ZNF114: variants seen among roughly 807,000 people sequenced by gnomAD.
ZNF114 encodes the protein zinc finger protein 114.
In ZNF114, 8 loss-of-function variants were observed where a neutral mutation model predicts 6.8. The observed-to-expected ratio is 1.18, with a 90% CI of 0.69 to 2.13. The LOEUF is 2.13. Ranked by LOEUF, ZNF114 falls within the 30% of genes most tolerant of loss-of-function variation. The pLI is 0.00. For missense variants in ZNF114, 472 were observed against 519.5 expected (o/e 0.91, Z 0.89); for synonymous variants, 169 against 185.5 (o/e 0.91, Z 0.72).
At chr19:48,273,310 ATG>A (rs1205858506) in intron 3 of ZNF114, among the ~76,000 whole-genome samples, 2 of 152,158 alleles carry the variant, frequency 1.3e-5, no homozygotes, top group African/African-American at 4.8e-5. Context: ...AAAGGTGGGA[ATG>A]TGTTTCATCA....
rs777919254 is a variant in ZNF114, at chr19:48,282,487, G to T, written c.126G>T (p.Leu42Phe). 1.9e-6 allele frequency: 3 copies of T among 1,608,238 alleles called. No individual in the cohort carries two copies. Among genetic ancestry groups the T allele is most frequent in the Non-Finnish European group, 2.6e-6 (3 of 1,176,008 alleles). The change falls in exon 5 of 6, where the codon TTG (leucine) becomes TTT (phenylalanine). Residue 42 changes from leucine (L) to phenylalanine (F), a missense_variant. Leu to Phe is a conservative substitution (Grantham distance 22). Coordinates refer to ENST00000595607, the MANE Select transcript of ZNF114 (RefSeq NM_153608.4). Reference sequence around the variant, plus strand: ...TGATGCTGGAAAATTCTAGGAACTTGGCATTCATAGGTAAGGAGGCCCCCT... The same window carrying T: ...TGATGCTGGAAAATTCTAGGAACTTTGCATTCATAGGTAAGGAGGCCCCCT... ...RDVMLENSRN[L>F]AFIDWATPCK...
chr19:48,281,598 C>T (rs1967992831), intron 4 of ZNF114: 1 of 150,230 alleles, frequency 6.7e-6, no homozygotes, highest in Non-Finnish European at 1.5e-5. Flanking sequence ...AGGATCATAG[C>T]TTATTGCAAC....
At chr19:48,270,617 G>A (rs8101570) in intron 1 of ZNF114, among the ~76,000 whole-genome samples, 4 of 142,212 alleles carry the variant, frequency 2.8e-5, no homozygotes, top group South Asian at 2.3e-4. Flanking sequence ...AGGGAGGAAG[G>A]GAGGGAGGGA....
chr19:48,273,004 C>T (rs958695276), intron 3 of ZNF114, among the ~76,000 whole-genome samples: 3 of 152,056 alleles, frequency 2.0e-5, no homozygotes, highest in African/African-American at 7.2e-5. Context: ...ACCGCGTTAG[C>T]CAGGATGGTC....
chr19:48,272,808 T>C (rs1279164694), intron 3 of ZNF114, among the ~76,000 whole-genome samples: 1 of 143,486 alleles, frequency 7.0e-6, no homozygotes, highest in African/African-American at 2.6e-5. Context: ...TTTTTTTTTT[T>C]TTTTTGAGAG....
At chr19:48,272,698 A>G (rs925673351) in intron 3 of ZNF114, among the ~76,000 whole-genome samples, 5 of 134,332 alleles carry the variant, frequency 3.7e-5, no homozygotes, top group African/African-American at 1.5e-4. Flanking sequence ...AAAAAAAAAA[A>G]GTATTGGATT....
intron 2 of ZNF114, 136 bp from the exon 3 acceptor site, chr19:48,271,591 C>G (rs1412976832): frequency 6.6e-6 from 1 of 152,588 alleles, no homozygotes; most frequent in African/African-American, 2.4e-5. Context: ...TGCTCGGCTC[C>G]CCTCTCCTCC....
At chr19:48,282,249 A>G in intron 4 of ZNF114, 122 bp from the exon 5 acceptor site, 1 of 1,335,950 alleles carries the variant, frequency 7.5e-7, no homozygotes, top group Admixed American at 2.2e-5. Flanking sequence ...TTCACAAATC[A>G]GGTCACCTTT....
intron 3 of ZNF114, among the ~76,000 whole-genome samples, chr19:48,272,053 G>A (rs1967672784): frequency 6.6e-6 from 1 of 152,208 alleles, no homozygotes; most frequent in South Asian, 2.1e-4. Context: ...CCTGTCCCCG[G>A]GCTTGGGCAG....
chr19:48,278,814 G>C (rs759869504), intron 3 of ZNF114, among the ~76,000 whole-genome samples: 2 of 152,124 alleles, frequency 1.3e-5, no homozygotes, highest in South Asian at 2.1e-4. Flanking sequence ...GTGATGGCAG[G>C]CACCTGTAAT....
At chr19:48,280,056 C>T (rs555478125) in intron 4 of ZNF114, among the ~76,000 whole-genome samples, 9 of 152,274 alleles carry the variant, frequency 5.9e-5, no homozygotes, top group African/African-American at 1.9e-4. Flanking sequence ...GTGGGCTTCA[C>T]GTTCTGCTGC....
intron 3 of ZNF114, among the ~76,000 whole-genome samples, chr19:48,276,057 G>A (rs993135998): frequency 6.7e-6 from 1 of 148,458 alleles, no homozygotes; most frequent in African/African-American, 2.5e-5. Context: ...TTCTGGAGGT[G>A]AGAGAGCCTC....
intron 3 of ZNF114, among the ~76,000 whole-genome samples, chr19:48,277,399 G>A (rs75538939): frequency 4.6e-5 from 7 of 152,120 alleles, no homozygotes; most frequent in African/African-American, 9.6e-5. Flanking sequence ...GTAGTTTTCC[G>A]TCATCCGTAA....
intron 3 of ZNF114, among the ~76,000 whole-genome samples, chr19:48,278,671 G>A (rs762762810): frequency 2.6e-5 from 4 of 152,094 alleles, no homozygotes; most frequent in African/African-American, 4.8e-5. Context: ...GGCCAGGTGC[G>A]GTGCTCACAC....
intron 4 of ZNF114, among the ~76,000 whole-genome samples, 172 bp downstream of exon 4, chr19:48,279,980 G>A (rs1967948691): frequency 1.3e-5 from 2 of 152,074 alleles, no homozygotes; most frequent in South Asian, 4.1e-4. Context: ...CTGCCCTGGG[G>A]ATTCTCCTGG....
chr19:48,274,790 G>A (rs1967781136), intron 3 of ZNF114, among the ~76,000 whole-genome samples: 1 of 151,988 alleles, frequency 6.6e-6, no homozygotes, highest in Non-Finnish European at 1.5e-5. Context: ...ACAGGCGTGA[G>A]CCACCACGCC....
At chr19:48,275,806 C>T (rs1398299304) in intron 3 of ZNF114, among the ~76,000 whole-genome samples, 1 of 151,668 alleles carries the variant, frequency 6.6e-6, no homozygotes, top group Non-Finnish European at 1.5e-5. Context: ...CACGGTGAAA[C>T]CCCGTCTCTA....
At chr19:48,273,825 T>G (rs1967748692) in intron 3 of ZNF114, among the ~76,000 whole-genome samples, 1 of 149,784 alleles carries the variant, frequency 6.7e-6, no homozygotes, top group South Asian at 2.1e-4. Context: ...TGGCGTTATC[T>G]CGGCTCACTG....
chr19:48,277,794 G>GTGTGTGTGTGTGT (rs1967877326), intron 3 of ZNF114, among the ~76,000 whole-genome samples: 2 of 119,338 alleles, frequency 1.7e-5, no homozygotes, highest in Non-Finnish European at 3.4e-5. Flanking sequence ...GGAGGCATTG[G>GTGTGTGTGTGTGT]GTGTGTGTGT....
Sources: gnomAD v4.1 joint callset for allele counts (sites outside exome capture counted in the v4.1 genomes callset) on GRCh38, gnomAD v4.1.1 for gene constraint, MANE v1.5 for transcripts, NCBI Gene and HGNC (gene_info 2026-07-23, HGNC 2026-07-21) for gene names.